The following BST1 variants were observed in gnomAD, a reference collection of about 807,000 sequenced individuals.
BST1 encodes the protein bone marrow stromal cell antigen 1, also known as ADP-ribosyl cyclase/cyclic ADP-ribose hydrolase 2.
In BST1, 49 loss-of-function variants were observed where a neutral mutation model predicts 40.6. The observed-to-expected ratio is 1.21, with a 90% confidence interval of 0.96 to 1.53. BST1 has a LOEUF of 1.53. BST1 is among the 40% of genes most tolerant of loss of function. The pLI is 0.00. For missense variants in BST1, 423 were observed against 395.9 expected, an observed-to-expected ratio of 1.07 and a Z score of -0.58; for synonymous variants, 157 against 159.3, an observed-to-expected ratio of 0.99 and a Z score of 0.11.
chr4:15,752,286 G>A, the BST1 span, among the ~76,000 whole-genome samples: 2 of 152,140 alleles, frequency 1.3e-5, no homozygotes, highest in Admixed American at 1.3e-4. Context: ...AATACAACAT[G>A]GAAAGCTAGG....
At chr4:15,758,905 C>G in the BST1 span, among the ~76,000 whole-genome samples, 118 of 152,126 alleles carry the variant, frequency 7.8e-4, 1 homozygote, top group Non-Finnish European at 1.4e-3. Flanking sequence ...GAACCACAAC[C>G]TGCATGCTGG....
chr4:15,739,967 G>A (rs1468132440), downstream of BST1, among the ~76,000 whole-genome samples: 1 of 152,048 alleles, frequency 6.6e-6, no homozygotes, highest in Admixed American at 6.6e-5. Context: ...GACAGAGAAA[G>A]AGAGGGAAGA....
the BST1 span, among the ~76,000 whole-genome samples, chr4:15,756,929 G>C: frequency 6.6e-6 from 1 of 152,218 alleles, no homozygotes. Context: ...TGCAGACGCA[G>C]GAGTATCTCT....
chr4:15,761,561 G>A, the BST1 span, among the ~76,000 whole-genome samples: 6 of 151,912 alleles, frequency 3.9e-5, no homozygotes, highest in Admixed American at 3.3e-4. Flanking sequence ...CATAAAATAT[G>A]AGAAAATAAT....
Position 15,703,168 on chromosome 4 carries a change from A to G in BST1, c.24A>G (p.Ala8=). Residue 8 remains alanine (A), a synonymous_variant, in exon 1 of 9, where the codon GCA becomes GCG. Transcript: ENST00000265016. MAAQGCA[A]SRLLQLLLQL... ...CGATGGCGGCCCAGGGGTGCGCGGCATCGCGGCTGCTCCAGCTGCTGCTGC... is the reference window on the plus strand; with the variant it reads ...CGATGGCGGCCCAGGGGTGCGCGGCGTCGCGGCTGCTCCAGCTGCTGCTGC... The G allele has an allele frequency of 2.5e-6, 4 of 1,568,752 alleles. No homozygotes were observed. Among genetic ancestry groups the G allele is most frequent in the Non-Finnish European group, 2.6e-6 (3 of 1,158,778 alleles).
chr4:15,772,621 G>A, the BST1 span, among the ~76,000 whole-genome samples: 1 of 152,220 alleles, frequency 6.6e-6, no homozygotes, highest in African/African-American at 2.4e-5. Flanking sequence ...TCTGAGATGG[G>A]TATTGTCTCA....
At chr4:15,704,414 G>A (rs899695232) in intron 1 of BST1, among the ~76,000 whole-genome samples, 2 of 149,466 alleles carry the variant, frequency 1.3e-5, no homozygotes, top group African/African-American at 2.5e-5. Flanking sequence ...GTGTGTGTGT[G>A]TGTTCTAGAG....
chr4:15,703,308 G>C lies in BST1; in HGVS notation c.164G>C (p.Arg55Pro), dbSNP rs1052319486. 1.3e-6 allele frequency: 2 copies of C among 1,526,156 alleles called. No individual in the cohort carries two copies. Among genetic ancestry groups the C allele is most frequent in the Non-Finnish European group, 1.7e-6 (2 of 1,143,532 alleles). The allele number at this position is 1,526,156 out of a possible 1,614,324, so 94.5% of individuals were successfully genotyped here. A position where few individuals can be genotyped will look rare whatever the true frequency, so the allele number is the denominator to read the frequency against. ...TTCCTGGGCCGCTGCGCCGAGTACC[G>C]CGCACTGCTGAGTCCCGAGCAGCGG... ...DIFLGRCAEY[R>P]ALLSPEQRNK... Residue 55 changes from arginine to proline, a missense_variant, in exon 1 of 9, where the codon CGC becomes CCC. Transcript: ENST00000265016.
the BST1 span, among the ~76,000 whole-genome samples, chr4:15,759,416 A>G: frequency 1.3e-5 from 2 of 151,986 alleles, no homozygotes; most frequent in Non-Finnish European, 1.5e-5. Context: ...ATTTGATAAC[A>G]CTGTGTATAG....
the BST1 span, among the ~76,000 whole-genome samples, chr4:15,762,665 A>G: frequency 6.6e-6 from 1 of 151,936 alleles, no homozygotes; most frequent in Non-Finnish European, 1.5e-5. Context: ...AGATTATCTG[A>G]ACTTATAACT....
chr4:15,756,446 G>A, the BST1 span, among the ~76,000 whole-genome samples: 10 of 152,162 alleles, frequency 6.6e-5, no homozygotes, highest in Non-Finnish European at 1.5e-4. Context: ...TTGAAAAAAC[G>A]TTGAATTTAT....
chr4:15,743,491 A>G, the BST1 span: 1 of 264,036 alleles, frequency 3.8e-6, no homozygotes, highest in South Asian at 4.1e-5. Flanking sequence ...AAAAAATTAA[A>G]GAACTAAAAC....
At chr4:15,773,746 C>T in the BST1 span, among the ~76,000 whole-genome samples, 5 of 152,130 alleles carry the variant, frequency 3.3e-5, no homozygotes, top group Admixed American at 6.5e-5. Flanking sequence ...CAGTGAGCCA[C>T]GGGCTCAGCA....
In BST1 at chr4:15,703,241, C is replaced by T. The variant is rs1051090020; in HGVS notation, c.97C>T (p.Arg33Trp). 21 of 1,542,876 alleles carry T rather than the reference C, an allele frequency of 1.4e-5. No individual in the cohort carries two copies. The highest frequency in any genetic ancestry group is 1.7e-5 in the Non-Finnish European group (20 of 1,146,800). The change falls in exon 1 of 9, where the codon CGG (arginine) becomes TGG (tryptophan). Residue 33 changes from arginine (R) to tryptophan (W), a missense_variant. Physicochemically the swap from Arg to Trp is moderately radical, Grantham distance 101. Transcript: ENST00000265016. The part of the protein sequence containing the change: ...LLLAAGGARA[R>W]WRGEGTSAHL... The stretch of plus-strand genomic sequence containing the variant: ...GCTGGCGGCGGGCGGGGCGCGCGCG[C>T]GGTGGCGCGGGGAGGGCACCAGCGC...
Position 15,711,877 on chromosome 4 carries a change from G to A in BST1, c.522G>A (p.Arg174=). The change falls in exon 4 of 9, where the codon AGG becomes AGA. Residue 174 remains arginine (R), a synonymous_variant. Coordinates refer to ENST00000265016, the MANE Select transcript of BST1 (RefSeq NM_004334.3). ...ATCCTGTGGATTCCTTTTGGAAAAGGGCATCCATCCAGGTAATGCTGGGAT... is the reference window on the plus strand; with the variant it reads ...ATCCTGTGGATTCCTTTTGGAAAAGAGCATCCATCCAGGTAATGCTGGGAT... ...ENNPVDSFWK[R]ASIQYSKDSS... 1 of 1,613,672 alleles carries A rather than the reference G, an allele frequency of 6.2e-7. No individual in the cohort carries two copies. The highest frequency in any genetic ancestry group is 1.1e-5 in the South Asian group (1 of 91,058).
At chr4:15,751,702 G>T in the BST1 span, among the ~76,000 whole-genome samples, 1 of 151,408 alleles carries the variant, frequency 6.6e-6, no homozygotes, top group Non-Finnish European at 1.5e-5. Flanking sequence ...GATATACATA[G>T]ATATAATGTA....
chr4:15,744,906 T>C, the BST1 span, among the ~76,000 whole-genome samples: 1 of 152,186 alleles, frequency 6.6e-6, no homozygotes, highest in Non-Finnish European at 1.5e-5. Flanking sequence ...TTTTGGAAAA[T>C]GTTTTCTGTA....
intron 4 of BST1, among the ~76,000 whole-genome samples, chr4:15,713,702 T>G (rs1192932086): frequency 6.6e-6 from 1 of 152,080 alleles, no homozygotes; most frequent in Non-Finnish European, 1.5e-5. Context: ...CTTTTTATTT[T>G]TATTTTTATC....
At chr4:15,734,523 G>A (rs935351737), downstream of BST1, among the ~76,000 whole-genome samples, 14 of 151,866 alleles carry the variant, frequency 9.2e-5, no homozygotes, top group African/African-American at 2.7e-4. Flanking sequence ...TCCACCAGTC[G>A]ACTAAACTTA....
Sources: allele counts gnomAD v4.1 joint callset (sites outside exome capture counted in the v4.1 genomes callset), GRCh38; gene constraint gnomAD v4.1.1; transcripts MANE v1.5; gene names NCBI Gene and HGNC (gene_info 2026-07-23, HGNC 2026-07-21).